The following RP1 variants were observed in gnomAD, a reference collection of about 807,000 sequenced individuals.
The protein encoded by RP1 is oxygen-regulated protein 1.
Under a neutral mutation model 14.8 loss-of-function variants are expected in RP1, and 16 were observed. The ratio of observed to expected loss-of-function variants is 1.08; its 90% CI spans 0.73 to 1.65. RP1 has a LOEUF of 1.65. Ranked by LOEUF, RP1 falls within the 40% of genes most tolerant of loss-of-function variation. The probability of loss-of-function intolerance (pLI) is 0.00; values close to 1 mark genes in which losing one functional copy is unlikely to be tolerated. For missense variants in RP1, 2,631 were observed against 2,535.0 expected (o/e 1.04, Z -0.81); for synonymous variants, 876 against 883.6 (o/e 0.99, Z 0.15).
intron 7 of RP1, among the ~76,000 whole-genome samples, chr8:54,670,669 TTTTATA>T (rs1451246935): frequency 0.17 from 10,497 of 63,484 alleles, 1,156 homozygotes; most frequent in Admixed American, 0.23. Flanking sequence ...ATATATATGT[TTTTATA>T]TATATATATA....
At chr8:54,741,707 G>GTGTATATATATA (rs1554528860) in intron 19 of RP1, among the ~76,000 whole-genome samples, 9 of 58,036 alleles carry the variant, frequency 1.6e-4, no homozygotes, top group African/African-American at 2.2e-4. Flanking sequence ...AAATGTGTGT[G>GTGTATATATATA]TATATATATA....
At chr8:54,689,384 T>C (rs1807652375) in intron 12 of RP1, among the ~76,000 whole-genome samples, 3 of 152,144 alleles carry the variant, frequency 2.0e-5, no homozygotes, top group African/African-American at 7.2e-5. Context: ...CATCCCTGTC[T>C]CGTTACATTT....
Position 54,669,470 on chromosome 8 carries a change from G to A in RP1, c.1324-4380G>A, listed in dbSNP as rs186596609. On this transcript the variant is annotated intron_variant, in intron 7 of 22. Coordinates refer to the RP1 transcript ENST00000636932. ...CAACGATTGTGGAAGACAGTGTGGC[G>A]ATTCCTCAAGGATCTAGAACTAGAA... Among the ~76,000 whole-genome samples the A allele has an allele frequency of 3.9e-4, 59 of 152,288 alleles. No individual in the cohort carries two copies. The East Asian group carries it at 0.011, about 27-fold the overall frequency.
At chr8:54,803,440 G>A (rs1810762747) in intron 24 of RP1, among the ~76,000 whole-genome samples, 1 of 152,146 alleles carries the variant, frequency 6.6e-6, no homozygotes, top group South Asian at 2.1e-4. Flanking sequence ...CTCTGTAACA[G>A]TTGATGGATT....
chr8:54,661,289 A>ATATGATATATC (rs1554522263), intron 6 of RP1, among the ~76,000 whole-genome samples: 102 of 132,666 alleles, frequency 7.7e-4, no homozygotes, highest in African/African-American at 2.5e-3. Flanking sequence ...TATGATATAT[A>ATATGATATATC]AATGATATAT....
At chr8:54,770,468 A>G (rs1401104932), downstream of RP1, among the ~76,000 whole-genome samples, 1 of 151,338 alleles carries the variant, frequency 6.6e-6, no homozygotes, top group African/African-American at 2.4e-5. Context: ...TCCAAATAAG[A>G]TTTTTATTAA....
chr8:54,728,144 T>A (rs1347319621), intron 17 of RP1, among the ~76,000 whole-genome samples: 1 of 151,922 alleles, frequency 6.6e-6, no homozygotes, highest in African/African-American at 2.4e-5. Context: ...GCAGTGGGAG[T>A]GGTTTTATAA....
exon 25 of RP1, chr8:54,837,514 A>G (rs1811688698): frequency 8.1e-7 from 1 of 1,231,738 alleles, no homozygotes; most frequent in East Asian, 3.2e-5. Flanking sequence ...ACTGGAAAGA[A>G]TCCCAGGTGG....
intron 7 of RP1, among the ~76,000 whole-genome samples, chr8:54,666,288 A>G (rs1473355369): frequency 1.3e-5 from 2 of 151,910 alleles, no homozygotes; most frequent in African/African-American, 2.4e-5. Flanking sequence ...TGCAAGTCCA[A>G]CCTTTTGTAG....
chr8:54,608,738 CTAA>C (rs1214376217), intron 1 of RP1, among the ~76,000 whole-genome samples: 2 of 152,104 alleles, frequency 1.3e-5, no homozygotes, highest in Non-Finnish European at 2.9e-5. Context: ...ATTTGCTATC[CTAA>C]TAACAATAGT....
At chr8:54,783,853 C>G in intron 24 of RP1, 1 of 469,000 alleles carries the variant, frequency 2.1e-6, no homozygotes, top group Non-Finnish European at 3.4e-6. Flanking sequence ...ATGTTTTATC[C>G]CATGGGAGCT....
Position 54,627,259 on chromosome 8 carries a change from C to T in RP1, c.3377C>T (p.Thr1126Ile). 4.3e-6 allele frequency: 7 copies of T among 1,614,082 alleles called. No homozygotes were observed. The highest frequency in any genetic ancestry group is 5.9e-6 in the Non-Finnish European group (7 of 1,179,982). ...CATTCTGCAATATGTAATTCATCCA[C>T]TAATCTCCTTCTAGCTTGGCTCTTG... ...PFHSAICNSS[T>I]NLLLAWLLVL... is the part of the protein sequence containing the mutation. The change falls in exon 4 of 4, where the codon ACT becomes ATT. Residue 1126 changes from threonine to isoleucine, a missense_variant. Thr to Ile is a moderately conservative substitution (Grantham distance 89, BLOSUM62 -1). Coordinates refer to ENST00000220676, the MANE Select transcript of RP1 (RefSeq NM_006269.2).
intron 26 of RP1, chr8:54,856,943 A>T: frequency 2.7e-6 from 1 of 376,074 alleles, no homozygotes; most frequent in Non-Finnish European, 4.6e-6. Context: ...GTATAGTAAC[A>T]ATATAGTATC....
upstream of RP1, among the ~76,000 whole-genome samples, chr8:54,615,745 T>C (rs529007367): frequency 6.6e-6 from 1 of 152,362 alleles, no homozygotes; most frequent in African/African-American, 2.4e-5. Flanking sequence ...AGTACTGACT[T>C]AGAAACTTAT....
At chr8:54,616,374 A>G (rs1805715374) in intron 1 of RP1, among the ~76,000 whole-genome samples, 172 bp downstream of exon 1, 1 of 152,348 alleles carries the variant, frequency 6.6e-6, no homozygotes, top group Non-Finnish European at 1.5e-5. Context: ...AGCAACCTTC[A>G]CAATATGCTG....
rs536874863 is a variant in RP1, at chr8:54,850,830, A to G, written c.3836-1744A>G. Among the ~76,000 whole-genome samples, 27 of 152,362 alleles carry G rather than the reference A, an allele frequency of 1.8e-4. No individual in the cohort carries two copies. In the South Asian group the frequency reaches 5.2e-3, roughly 29 times the overall value. ...TGCTTAGTGAATCATATTATGTAGT[A>G]TAATGAACACGAAGTCAATGTTACA... is the stretch of plus-strand genomic sequence containing the variant. On this transcript the variant is annotated intron_variant, in intron 25 of 28. Transcript: ENST00000637698.
intron 4 of RP1, among the ~76,000 whole-genome samples, chr8:54,652,544 A>G (rs879076764): frequency 6.6e-6 from 1 of 152,130 alleles, no homozygotes; most frequent in African/African-American, 2.4e-5. Flanking sequence ...ACCCATCATT[A>G]AAGTTGGGTA....
intron 15 of RP1, among the ~76,000 whole-genome samples, chr8:54,718,480 C>G (rs762448224): frequency 1.3e-4 from 20 of 152,292 alleles, no homozygotes; most frequent in Middle Eastern, 6.8e-3. Flanking sequence ...GTAGACTTTT[C>G]AACAAATGGT....
chr8:54,774,326 A>G (rs1414505364), downstream of RP1, among the ~76,000 whole-genome samples: 2 of 152,220 alleles, frequency 1.3e-5, no homozygotes, highest in African/African-American at 4.8e-5. Flanking sequence ...TGAAGCTGAG[A>G]TGCCAGAGGA....
Sources: allele counts gnomAD v4.1 joint callset (sites outside exome capture counted in the v4.1 genomes callset), GRCh38; gene constraint gnomAD v4.1.1; transcripts MANE v1.5; gene names NCBI Gene and HGNC (gene_info 2026-07-23, HGNC 2026-07-21).